The following CHST8 variants were observed in gnomAD, a reference collection of about 807,000 sequenced individuals.
CHST8 encodes the protein carbohydrate sulfotransferase 8.
A neutral mutation model predicts 15.0 loss-of-function variants in CHST8; 10 were observed. The observed-to-expected ratio is 0.67, with a 90% CI of 0.41 to 1.13. The LOEUF is 1.13. CHST8 is among the 50% of genes most tolerant of loss of function. The pLI, the probability that CHST8 is intolerant of heterozygous loss-of-function variation, is 0.00. For missense variants in CHST8, 634 were observed against 608.2 expected, an observed-to-expected ratio of 1.04 and a Z score of -0.45; for synonymous variants, 259 against 256.6, an observed-to-expected ratio of 1.01 and a Z score of -0.09.
At chr19:33,754,556 G>C (rs1195246947) in intron 3 of CHST8, among the ~76,000 whole-genome samples, 3 of 152,162 alleles carry the variant, frequency 2.0e-5, no homozygotes, top group Admixed American at 2.0e-4. Context: ...CCAAAGAGGA[G>C]GCTCATCCTC....
intron 3 of CHST8, among the ~76,000 whole-genome samples, chr19:33,743,652 T>A (rs1378221829): frequency 1.3e-5 from 2 of 152,124 alleles, no homozygotes; most frequent in Admixed American, 1.3e-4. Context: ...CATTGCTTTC[T>A]GCACGTATCT....
chr19:33,704,125 C>T (rs949229221), intron 3 of CHST8, among the ~76,000 whole-genome samples: 2 of 152,174 alleles, frequency 1.3e-5, no homozygotes, highest in South Asian at 4.1e-4. Flanking sequence ...CATCCTAGCT[C>T]CCCACCAAGC....
Position 33,771,451 on chromosome 19 carries a change from G to GT in CHST8, c.168+2dup. ...CATCAGGCCAAGGCAGCCCCACCAC[G>GT]TAAGTTCTGAGAGTCAGATAAATCT... On this transcript the variant is annotated splice_donor_variant, in intron 4 of 4. Coordinates refer to ENST00000650847, the MANE Select transcript of CHST8 (RefSeq NM_001127895.2). LOFTEE classifies it high-confidence loss of function. The GT allele has an allele frequency of 6.2e-7, 1 of 1,614,026 alleles. No individual in the cohort carries two copies. Among genetic ancestry groups the GT allele is most frequent in the East Asian group, 2.2e-5 (1 of 44,886 alleles).
At chr19:33,755,417 A>G (rs556832907) in intron 3 of CHST8, among the ~76,000 whole-genome samples, 1 of 152,344 alleles carries the variant, frequency 6.6e-6, no homozygotes, top group Non-Finnish European at 1.5e-5. Flanking sequence ...AAATCAAGTC[A>G]TTAGAAGGAA....
chr19:33,689,346 A>C lies in CHST8; in HGVS notation c.85A>C (p.Ile29Leu). Reference protein sequence around the residue: ...LFGAAGLLLFISLQDPTELAP... With the variant: ...LFGAAGLLLFLSLQDPTELAP... ...CGGAGCTGCAGGCCTCCTCCTCTTCATCAGCCTGCAGGACCCTACGGAGCT... is the reference window on the plus strand; with the variant it reads ...CGGAGCTGCAGGCCTCCTCCTCTTCCTCAGCCTGCAGGACCCTACGGAGCT... Residue 29 changes from isoleucine (I) to leucine (L), a missense_variant, in exon 3 of 5, where the codon ATC becomes CTC. Ile to Leu is a conservative substitution (Grantham distance 5, BLOSUM62 2). Transcript: ENST00000650847. 6.2e-7 allele frequency: 1 copy of C among 1,608,880 alleles called. No individual in the cohort carries two copies. Among genetic ancestry groups the C allele is most frequent in the Non-Finnish European group, 8.5e-7 (1 of 1,178,642 alleles).
At chr19:33,767,069 C>T (rs1225399838) in intron 3 of CHST8, among the ~76,000 whole-genome samples, 5 of 151,462 alleles carry the variant, frequency 3.3e-5, no homozygotes, top group Admixed American at 6.6e-5. Context: ...ATGGGAGTGG[C>T]GGGACACTAG....
chr19:33,713,388 C>T (rs531658814), intron 3 of CHST8, among the ~76,000 whole-genome samples: 91 of 152,166 alleles, frequency 6.0e-4, no homozygotes, highest in Middle Eastern at 3.4e-3. Context: ...CAATGGCATG[C>T]TTGGTGAGTG....
chr19:33,696,087 A>G (rs1973212725), intron 3 of CHST8, among the ~76,000 whole-genome samples: 1 of 151,672 alleles, frequency 6.6e-6, no homozygotes, highest in South Asian at 2.1e-4. Context: ...CAGCCTCCCA[A>G]AGTGCTGGGA....
intron 3 of CHST8, among the ~76,000 whole-genome samples, chr19:33,737,332 T>G (rs748759100): frequency 2.2e-4 from 33 of 152,322 alleles, no homozygotes; most frequent in Admixed American, 6.5e-4. Flanking sequence ...CACTTGGCCT[T>G]CTGGGCTGAG....
At chr19:33,759,004 C>A (rs556212093) in intron 3 of CHST8, among the ~76,000 whole-genome samples, 45 of 152,122 alleles carry the variant, frequency 3.0e-4, no homozygotes, top group African/African-American at 1.1e-3. Flanking sequence ...AAAGCAGGAA[C>A]AAAGGGTGAG....
chr19:33,718,210 CTTT>C (rs200242584), intron 3 of CHST8, among the ~76,000 whole-genome samples: 1 of 150,992 alleles, frequency 6.6e-6, no homozygotes, highest in Admixed American at 6.6e-5. Flanking sequence ...ACTGGATTGT[CTTT>C]TTTTCTTTCT....
chr19:33,743,552 C>T (rs1974246442), intron 3 of CHST8, among the ~76,000 whole-genome samples: 1 of 152,032 alleles, frequency 6.6e-6, no homozygotes, highest in South Asian at 2.1e-4. Context: ...CTGCCCACCT[C>T]GGCCTCCCAA....
chr19:33,728,797 G>C (rs1973946702), intron 3 of CHST8, among the ~76,000 whole-genome samples: 1 of 152,204 alleles, frequency 6.6e-6, no homozygotes, highest in African/African-American at 2.4e-5. Context: ...TGGGAGGCCT[G>C]TGAGCCCAGG....
intron 2 of CHST8, among the ~76,000 whole-genome samples, chr19:33,674,582 C>T (rs1175372006): frequency 2.0e-5 from 3 of 152,186 alleles, no homozygotes; most frequent in Non-Finnish European, 4.4e-5. Flanking sequence ...GGAAAATTAG[C>T]TTCCAATTCC....
intron 3 of CHST8, among the ~76,000 whole-genome samples, chr19:33,767,088 C>A (rs1176760352): frequency 6.9e-6 from 1 of 145,668 alleles, no homozygotes; most frequent in African/African-American, 2.6e-5. Flanking sequence ...AGCATCATCG[C>A]CCATCAGGGC....
At chr19:33,650,688 C>T (rs796182543) in intron 1 of CHST8, among the ~76,000 whole-genome samples, 8 of 150,944 alleles carry the variant, frequency 5.3e-5, no homozygotes, top group African/African-American at 1.9e-4. Flanking sequence ...CCCGCCACCA[C>T]ACCTGGTTAA....
intron 1 of CHST8, among the ~76,000 whole-genome samples, chr19:33,624,385 G>C (rs1008825767): frequency 6.6e-6 from 1 of 152,206 alleles, no homozygotes; most frequent in African/African-American, 2.4e-5. Flanking sequence ...GACAGAGGAT[G>C]CTTTGTAACT....
At chr19:33,743,003 T>C (rs1242095037) in intron 3 of CHST8, among the ~76,000 whole-genome samples, 1 of 152,208 alleles carries the variant, frequency 6.6e-6, no homozygotes, top group East Asian at 1.9e-4. Context: ...GGCTTCTCAC[T>C]CATGCTGGTG....
chr19:33,663,374 G>A (rs755676950), intron 1 of CHST8, among the ~76,000 whole-genome samples: 2 of 152,086 alleles, frequency 1.3e-5, no homozygotes, highest in Non-Finnish European at 2.9e-5. Context: ...AAATGAGCCC[G>A]GGCAACATAG....
Sources: gnomAD v4.1 joint callset for allele counts (sites outside exome capture counted in the v4.1 genomes callset) on GRCh38, gnomAD v4.1.1 for gene constraint, MANE v1.5 for transcripts, NCBI Gene and HGNC (gene_info 2026-07-23, HGNC 2026-07-21) for gene names.